Variants in EIF2B3 observed in about 807,000 individuals in gnomAD.
The protein encoded by EIF2B3 is translation initiation factor eIF2B subunit gamma.
A neutral mutation model predicts 54.1 loss-of-function variants in EIF2B3; 20 were observed. The ratio of observed to expected loss-of-function variants is 0.37; its 90% CI spans 0.26 to 0.54. EIF2B3 has a LOEUF of 0.54. Ranked by LOEUF, EIF2B3 falls within the 20% of genes least tolerant of loss-of-function variation. The pLI is 0.86. For missense variants in EIF2B3, 448 were observed against 547.8 expected (o/e 0.82, Z 1.82); for synonymous variants, 153 against 188.1 (o/e 0.81, Z 1.52).
rs549583609 is a variant in EIF2B3 at position 44,904,359 on chromosome 1, G to A, written c.567-6915C>T. On this transcript the variant is annotated intron_variant, in intron 5 of 11. Coordinates refer to ENST00000360403, the MANE Select transcript of EIF2B3 (RefSeq NM_020365.5). ...TCTGAATTCAGATGCCAGTGGAACT[G>A]GAGCTTGAAACAGTTATTCATAAAA... Among the ~76,000 whole-genome samples, 23 of 152,302 alleles carry A rather than the reference G, an allele frequency of 1.5e-4. No individual in the cohort carries two copies. The South Asian group carries it at 4.8e-3, about 32-fold the overall frequency.
rs557519151 is a variant in EIF2B3, at chr1:44,853,713, T to C, written c.1307-2710A>G. On this transcript the variant is annotated intron_variant, in intron 11 of 11. Coordinates refer to ENST00000360403, the MANE Select transcript of EIF2B3 (RefSeq NM_020365.5). ...TGGGCTGGAATCAGGTTGGGAAAGATCCCAAGGGGAAAAATACAAGGGAGG... is the reference window on the plus strand; with the variant it reads ...TGGGCTGGAATCAGGTTGGGAAAGACCCCAAGGGGAAAAATACAAGGGAGG... Among the ~76,000 whole-genome samples the C allele has an allele frequency of 1.6e-4, 25 of 152,080 alleles. No individual in the cohort carries two copies. In the East Asian group the frequency reaches 3.5e-3, roughly 21 times the overall value.
In EIF2B3 at chr1:44,854,377, A is replaced by AT. The variant is rs543093535; in HGVS notation, c.1306+3326dup. Among the ~76,000 whole-genome samples the AT allele has an allele frequency of 1.5e-4, 23 of 151,942 alleles. No individual in the cohort carries two copies. In the East Asian group the frequency reaches 4.5e-3, roughly 29 times the overall value. On this transcript the variant is annotated intron_variant, in intron 11 of 11. Transcript: ENST00000360403. ...GAGAAGGTCAAATTTGGCTGCCAGTATTTTTGCCAGAGATAACCAATGAGA... is the reference window on the plus strand; with the variant it reads ...GAGAAGGTCAAATTTGGCTGCCAGTATTTTTTGCCAGAGATAACCAATGAGA...
chr1:44,873,355 T>C (rs1386387836), intron 10 of EIF2B3, among the ~76,000 whole-genome samples: 1 of 152,184 alleles, frequency 6.6e-6, no homozygotes, highest in Non-Finnish European at 1.5e-5. Context: ...ATTAACATAA[T>C]TGTATTACTA....
Position 44,869,052 on chromosome 1 carries a change from A to G in EIF2B3, c.1202+5626T>C, listed in dbSNP as rs562104818. On this transcript the variant is annotated intron_variant, in intron 10 of 11. Transcript: ENST00000360403. ...GAGCTTTCAAAAGGTTTTTAATAGA[A>G]CAAGGATGTGATCAGAGATATTCTT... is the stretch of plus-strand genomic sequence containing the variant. 4.6e-5 allele frequency among the ~76,000 whole-genome samples: 7 copies of G among 152,358 alleles called. No homozygotes were observed. The South Asian group carries it at 1.4e-3, about 32-fold the overall frequency.
chr1:44,875,777 C>T (rs1242662558), intron 8 of EIF2B3, 82 bp from the exon 9 acceptor site: 3 of 1,078,464 alleles, frequency 2.8e-6, no homozygotes, highest in East Asian at 2.4e-5. Context: ...ACCTCTCCCA[C>T]TCCCCCTCCC....
intron 5 of EIF2B3, among the ~76,000 whole-genome samples, chr1:44,919,819 C>T (rs547116195): frequency 2.2e-4 from 33 of 147,470 alleles, no homozygotes; most frequent in African/African-American, 7.8e-4. Flanking sequence ...CGGGTTCAAG[C>T]GATTCTCCTG....
intron 10 of EIF2B3, among the ~76,000 whole-genome samples, chr1:44,871,529 C>T (rs1654965808): frequency 6.6e-6 from 1 of 152,206 alleles, no homozygotes; most frequent in African/African-American, 2.4e-5. Context: ...TTGTATCCAT[C>T]CCTCTCTGAT....
chr1:44,973,955 A>G (rs1017203939), intron 3 of EIF2B3, among the ~76,000 whole-genome samples: 5 of 152,114 alleles, frequency 3.3e-5, no homozygotes, highest in Non-Finnish European at 5.9e-5. Context: ...TTTTCTTCTC[A>G]TTACCCTAAT....
At chr1:44,888,286 G>A (rs980030316) in intron 6 of EIF2B3, among the ~76,000 whole-genome samples, 7 of 152,178 alleles carry the variant, frequency 4.6e-5, no homozygotes, top group South Asian at 2.1e-4. Context: ...CCGTTTGGGC[G>A]GCAACTTACA....
At chr1:44,851,692 G>A (rs569616183) in intron 11 of EIF2B3, among the ~76,000 whole-genome samples, 2 of 151,996 alleles carry the variant, frequency 1.3e-5, no homozygotes, top group Non-Finnish European at 2.9e-5. Flanking sequence ...AGGGGATAAG[G>A]GTAAGAAATG....
intron 3 of EIF2B3, among the ~76,000 whole-genome samples, chr1:44,957,076 A>G (rs906865762): frequency 3.9e-5 from 6 of 152,128 alleles, no homozygotes; most frequent in Non-Finnish European, 5.9e-5. Flanking sequence ...TAGCTAGCCT[A>G]GGCAACATCC....
chr1:44,857,711 T>C lies in EIF2B3; in HGVS notation c.1299A>G (p.Glu433=). ...DCLIGSGQRI[E]AKAKRVNEVI... is the part of the protein sequence containing the mutation. ...GATTGTAATCTGGTTTACCTTTGGC[T>C]TCAATCCTCTGGCCACTTCCAATCA... The change falls in exon 11 of 12, where the codon GAA becomes GAG. Residue 433 remains glutamate, a synonymous_variant. Transcript: ENST00000360403. The C allele has an allele frequency of 6.2e-7, 1 of 1,614,142 alleles. No individual in the cohort carries two copies. Among genetic ancestry groups the C allele is most frequent in the Non-Finnish European group, 8.5e-7 (1 of 1,179,970 alleles).
At chr1:44,915,063 C>T (rs956122636) in intron 5 of EIF2B3, among the ~76,000 whole-genome samples, 1 of 151,434 alleles carries the variant, frequency 6.6e-6, no homozygotes, top group African/African-American at 2.4e-5. Context: ...CTTTGGGAGG[C>T]CGAGGCAGGT....
At position 44,981,030 on chromosome 1, in the gene EIF2B3, C is replaced by T; in HGVS notation, c.139G>A (p.Gly47Arg). Reference protein sequence around the residue: ...WYPLNLLERVGFEEVIVVTTR... With the variant: ...WYPLNLLERVRFEEVIVVTTR... ...CTTTGTCATAGCTCACCTTCAAATC[C>T]AACACGCTCAAGCAGGTTCAATGGG... Residue 47 changes from glycine to arginine, a missense_variant, in exon 2 of 12, where the codon GGA (glycine) becomes AGA (arginine). Physicochemically the swap from Gly to Arg is moderately radical, Grantham distance 125. Transcript: ENST00000360403. 6.2e-7 allele frequency: 1 copy of T among 1,613,454 alleles called. No individual in the cohort carries two copies. Among genetic ancestry groups the T allele is most frequent in the African/African-American group, 1.3e-5 (1 of 74,804 alleles).
At chr1:44,851,114 G>T in intron 11 of EIF2B3, 111 bp from the exon 12 acceptor site, 1 of 1,017,800 alleles carries the variant, frequency 9.8e-7, no homozygotes, top group Non-Finnish European at 1.5e-6. Context: ...ACCCAGGCTG[G>T]AGTGCAGTGG....
At chr1:44,926,227 CA>C (rs1643847722) in intron 5 of EIF2B3, among the ~76,000 whole-genome samples, 1 of 151,338 alleles carries the variant, frequency 6.6e-6, no homozygotes, top group African/African-American at 2.4e-5. Flanking sequence ...GACTCAGTCT[CA>C]AAAAACTTAA....
chr1:44,895,474 G>A (rs182257177), intron 6 of EIF2B3, among the ~76,000 whole-genome samples: 160 of 152,056 alleles, frequency 1.1e-3, no homozygotes, highest in African/African-American at 3.5e-3. Context: ...TTTTTTGAAG[G>A]TGTGATAATG....
At chr1:44,950,791 C>G (rs1269919458) in intron 3 of EIF2B3, among the ~76,000 whole-genome samples, 1 of 152,066 alleles carries the variant, frequency 6.6e-6, no homozygotes, top group African/African-American at 2.4e-5. Flanking sequence ...GGGGTTCAAG[C>G]GATTCTTGTG....
chr1:44,980,879 G>T, intron 2 of EIF2B3, 142 bp downstream of exon 2: 1 of 968,934 alleles, frequency 1.0e-6, no homozygotes, highest in Non-Finnish European at 1.6e-6. Flanking sequence ...CAGCAATAGA[G>T]TACTCCTACA....
Sources: allele counts gnomAD v4.1 joint callset (sites outside exome capture counted in the v4.1 genomes callset), GRCh38; gene constraint gnomAD v4.1.1; transcripts MANE v1.5; gene names NCBI Gene and HGNC (gene_info 2026-07-23, HGNC 2026-07-21).